FGF12: variants seen among roughly 807,000 people sequenced by gnomAD.
The protein encoded by FGF12 is fibroblast growth factor 12B.
A neutral mutation model predicts 23.6 loss-of-function variants in FGF12; 14 were observed. The observed-to-expected ratio is 0.59, with a 90% confidence interval of 0.39 to 0.93. The LOEUF (loss-of-function observed/expected upper bound fraction) is 0.93, where lower values mean the gene tolerates loss of function less well. Ranked by LOEUF, FGF12 falls within the 40% of genes least tolerant of loss-of-function variation. The probability of loss-of-function intolerance (pLI) is 0.00; values close to 1 mark genes in which losing one functional copy is unlikely to be tolerated. For missense variants in FGF12, 175 were observed against 217.8 expected (o/e 0.80, Z 1.24); for synonymous variants, 62 against 77.3 (o/e 0.80, Z 1.04).
At chr3:192,168,219 G>A (rs537977082) in intron 5 of FGF12, among the ~76,000 whole-genome samples, 2 of 152,172 alleles carry the variant, frequency 1.3e-5, no homozygotes. Context: ...ATAACAAGAA[G>A]AAAATCAATG....
intron 3 of FGF12, among the ~76,000 whole-genome samples, chr3:192,354,873 T>G (rs1438998341): frequency 6.6e-6 from 1 of 152,156 alleles, no homozygotes; most frequent in Non-Finnish European, 1.5e-5. Flanking sequence ...GCCTGGCTAA[T>G]TTTTCTTGTA....
chr3:192,588,372 A>T (rs967547037), intron 2 of FGF12, among the ~76,000 whole-genome samples: 1 of 149,514 alleles, frequency 6.7e-6, no homozygotes, highest in African/African-American at 2.4e-5. Context: ...AAAAAAGAAA[A>T]AAAGAAAAAA....
chr3:192,196,553 CA>C (rs75176785), intron 4 of FGF12, among the ~76,000 whole-genome samples: 40 of 146,248 alleles, frequency 2.7e-4, no homozygotes, highest in South Asian at 1.5e-3. Flanking sequence ...GCCTGGGAGA[CA>C]AAAAAAAAAT....
At chr3:192,303,947 T>C (rs890588959) in intron 4 of FGF12, among the ~76,000 whole-genome samples, 4 of 152,282 alleles carry the variant, frequency 2.6e-5, no homozygotes, top group Middle Eastern at 3.4e-3. Context: ...GCTAATAGCT[T>C]CAGCTCCCAT....
At chr3:192,430,599 A>G (rs1721833692) in intron 2 of FGF12, among the ~76,000 whole-genome samples, 1 of 152,220 alleles carries the variant, frequency 6.6e-6, no homozygotes, top group Admixed American at 6.5e-5. Context: ...GGTTTTGATT[A>G]CCACTCTCTA....
intron 4 of FGF12, among the ~76,000 whole-genome samples, chr3:192,210,971 A>T (rs1717900223): frequency 2.0e-5 from 3 of 152,226 alleles, no homozygotes; most frequent in African/African-American, 7.2e-5. Context: ...CCTGTAAGCC[A>T]TTGTGAAAAC....
Position 192,514,834 on chromosome 3 carries a change from C to T in FGF12, c.14-154296G>A. 1 of 985,360 alleles carries T rather than the reference C, an allele frequency of 1.0e-6. No individual in the cohort carries two copies. Among genetic ancestry groups the T allele is most frequent in the Non-Finnish European group, 1.2e-6 (1 of 829,916 alleles). 61.0% of individuals were successfully genotyped at this position (985,360 alleles called of 1,614,324 possible). ...GTCCAACCAACAGGCGGCCTGTCTT[C>T]GGAAGCCGGGTCCCGAGTCCATCGC... On this transcript the variant is annotated intron_variant, in intron 2 of 5. Coordinates refer to ENST00000445105, the MANE Select transcript of FGF12 (RefSeq NM_004113.6). The surrounding 1 kb of genome is among the most constrained non-coding windows in gnomAD (Gnocchi z 4.9).
intron 5 of FGF12, among the ~76,000 whole-genome samples, chr3:192,158,386 T>TCTTTCTTTCTTTCTTTC (rs1560171557): frequency 1.1e-5 from 1 of 87,240 alleles, no homozygotes; most frequent in African/African-American, 7.8e-5. Context: ...TTCTTTCTTT[T>TCTTTCTTTCTTTCTTTC]CTTTCTCTCT....
intron 2 of FGF12, among the ~76,000 whole-genome samples, chr3:192,598,596 G>A (rs1355359323): frequency 2.0e-5 from 3 of 152,138 alleles, no homozygotes; most frequent in Non-Finnish European, 4.4e-5. Flanking sequence ...CAAAGCTGCT[G>A]GAGATTTTGT....
chr3:192,384,753 C>T (rs1450592034), intron 2 of FGF12, among the ~76,000 whole-genome samples: 1 of 152,200 alleles, frequency 6.6e-6, no homozygotes, highest in Non-Finnish European at 1.5e-5. Flanking sequence ...CACTTTCAGG[C>T]TCCGGGGGTG....
intron 2 of FGF12, among the ~76,000 whole-genome samples, chr3:192,722,646 CA>C (rs1439974042): frequency 2.0e-5 from 3 of 152,154 alleles, no homozygotes; most frequent in African/African-American, 4.8e-5. Flanking sequence ...TCCCAACTTA[CA>C]ATCTTCTGGA....
At chr3:192,358,070 A>G (rs1011102556) in intron 3 of FGF12, among the ~76,000 whole-genome samples, 20 of 152,032 alleles carry the variant, frequency 1.3e-4, no homozygotes, top group Admixed American at 1.2e-3. Flanking sequence ...ATTAAAGTAC[A>G]TAAAATATAT....
intron 4 of FGF12, among the ~76,000 whole-genome samples, chr3:192,180,836 T>G (rs1716131755): frequency 6.6e-6 from 1 of 152,208 alleles, no homozygotes; most frequent in Non-Finnish European, 1.5e-5. Context: ...GTGTTTGATC[T>G]TTGAGAGAAG....
At chr3:192,591,050 T>G (rs565624627) in intron 2 of FGF12, among the ~76,000 whole-genome samples, 1 of 151,676 alleles carries the variant, frequency 6.6e-6, no homozygotes, top group Non-Finnish European at 1.5e-5. Flanking sequence ...AGGTCACCTC[T>G]CTTCATTTTC....
chr3:192,634,479 A>G (rs191738428), intron 2 of FGF12, among the ~76,000 whole-genome samples: 5 of 152,344 alleles, frequency 3.3e-5, no homozygotes, highest in South Asian at 2.1e-4. Context: ...ACCATTTTAC[A>G]TAAAGGACTT....
At chr3:192,410,910 C>T (rs1338928885) in intron 2 of FGF12, among the ~76,000 whole-genome samples, 2 of 152,188 alleles carry the variant, frequency 1.3e-5, no homozygotes, top group Non-Finnish European at 2.9e-5. Context: ...TAATCACCCT[C>T]CATTTATGCT....
chr3:192,183,339 C>G (rs969519576), intron 4 of FGF12, among the ~76,000 whole-genome samples: 3 of 152,162 alleles, frequency 2.0e-5, no homozygotes, highest in African/African-American at 7.2e-5. Flanking sequence ...CCTGCATGGA[C>G]TGTCACTCCA....
chr3:192,282,251 TCAACA>T (rs1360802256), intron 4 of FGF12, among the ~76,000 whole-genome samples: 3 of 152,180 alleles, frequency 2.0e-5, no homozygotes, highest in African/African-American at 7.2e-5. Context: ...TAGTAGGTAC[TCAACA>T]CAACACATAT....
chr3:192,350,308 T>C (rs1395263951), intron 3 of FGF12, among the ~76,000 whole-genome samples: 1 of 152,106 alleles, frequency 6.6e-6, no homozygotes, highest in Non-Finnish European at 1.5e-5. Context: ...TTTTAGAGGA[T>C]GGCATAATTA....
Sources: gnomAD v4.1 joint callset for allele counts (sites outside exome capture counted in the v4.1 genomes callset) on GRCh38, gnomAD v4.1.1 for gene constraint, Gnocchi (gnomAD v3.1) non-coding constraint, MANE v1.5 for transcripts, NCBI Gene and HGNC (gene_info 2026-07-23, HGNC 2026-07-21) for gene names.